The following LRBA variants were observed in gnomAD, a reference collection of about 807,000 sequenced individuals.
LRBA encodes LPS responsive beige-like anchor protein.
Under a neutral mutation model 330.0 loss-of-function variants are expected in LRBA, and 176 were observed. That is an observed-to-expected ratio of 0.53 (90% confidence interval 0.47 to 0.60). The LOEUF (loss-of-function observed/expected upper bound fraction) is 0.60. Ranked by LOEUF, LRBA falls within the 20% of genes least tolerant of loss-of-function variation. The probability of loss-of-function intolerance (pLI) is 0.00; values close to 1 mark genes in which losing one functional copy is unlikely to be tolerated. For missense variants in LRBA, 3,259 were observed against 3,444.8 expected (o/e 0.95, Z 1.35); for synonymous variants, 1,230 against 1,193.0 (o/e 1.03, Z -0.64).
chr4:150,271,824 G>C (rs1746144572), intron 56 of LRBA, among the ~76,000 whole-genome samples: 1 of 152,128 alleles, frequency 6.6e-6, no homozygotes, highest in Admixed American at 6.5e-5. Flanking sequence ...TCCTCTCTGG[G>C]CAGGGCATCT....
intron 47 of LRBA, among the ~76,000 whole-genome samples, chr4:150,407,016 A>T (rs1432757483): frequency 2.0e-5 from 3 of 152,118 alleles, no homozygotes; most frequent in African/African-American, 7.2e-5. Flanking sequence ...TCCTGACCTC[A>T]GGTGATCCGC....
chr4:150,778,509 C>A (rs890211310), intron 34 of LRBA, among the ~76,000 whole-genome samples: 2 of 152,100 alleles, frequency 1.3e-5, no homozygotes, highest in Admixed American at 6.6e-5. Flanking sequence ...AATATATTTG[C>A]AAGTACCTCT....
chr4:150,330,842 G>A (rs1733905683), intron 48 of LRBA, among the ~76,000 whole-genome samples: 1 of 152,124 alleles, frequency 6.6e-6, no homozygotes, highest in African/African-American at 2.4e-5. Context: ...AATTTACTGA[G>A]TGCCTGTTAT....
chr4:150,719,503 C>T (rs1728654989), intron 36 of LRBA, among the ~76,000 whole-genome samples: 3 of 151,826 alleles, frequency 2.0e-5, no homozygotes, highest in Admixed American at 1.3e-4. Flanking sequence ...AAATAAATAA[C>T]AAAAAATAAT....
chr4:150,745,907 T>G (rs1185551805), intron 35 of LRBA, among the ~76,000 whole-genome samples: 1 of 152,196 alleles, frequency 6.6e-6, no homozygotes, highest in Non-Finnish European at 1.5e-5. Flanking sequence ...ACATATACAC[T>G]TAGATAGGTA....
At position 150,335,510 on chromosome 4, in the gene LRBA, CATATACGTATTATAT is replaced by C. The variant is rs1252549245; in HGVS notation, c.7363-9627_7363-9613del. On this transcript the variant is annotated intron_variant, in intron 48 of 56. Transcript: ENST00000651943. ...GTGTGTGTATATATATATACACACA[CATATACGTATTATAT>C]ATGTGTGTATATATATATATACACA... 4.8e-5 allele frequency among the ~76,000 whole-genome samples: 7 copies of C among 145,580 alleles called. No homozygotes were observed. The East Asian group carries it at 1.4e-3, about 29-fold the overall frequency.
intron 13 of LRBA, among the ~76,000 whole-genome samples, chr4:150,902,159 T>C (rs946179236): frequency 3.9e-5 from 6 of 152,092 alleles, no homozygotes; most frequent in African/African-American, 1.4e-4. Flanking sequence ...GACAGATAAA[T>C]TATTATAGGA....
At chr4:150,721,213 T>C (rs1728885252) in intron 36 of LRBA, 3 of 476,406 alleles carry the variant, frequency 6.3e-6, no homozygotes, top group South Asian at 2.1e-5. Flanking sequence ...ACAATAGAAG[T>C]AGAAACCCAA....
At chr4:150,977,300 C>T (rs375440950) in intron 2 of LRBA, among the ~76,000 whole-genome samples, 3 of 152,282 alleles carry the variant, frequency 2.0e-5, no homozygotes. Flanking sequence ...GAATAGGAAA[C>T]CAGGCAGTCA....
chr4:150,547,679 T>C (rs928710786), intron 40 of LRBA, among the ~76,000 whole-genome samples: 13 of 152,068 alleles, frequency 8.5e-5, no homozygotes, highest in African/African-American at 2.7e-4. Flanking sequence ...GTGTATAAAA[T>C]AGCCCCTATT....
At chr4:150,755,480 TATTAA>T (rs1734167614) in intron 35 of LRBA, among the ~76,000 whole-genome samples, 2 of 152,214 alleles carry the variant, frequency 1.3e-5, no homozygotes, top group Admixed American at 1.3e-4. Flanking sequence ...AATGTGTTTT[TATTAA>T]ATTAAACACA....
At chr4:150,815,249 CCA>C (rs1401488910) in intron 31 of LRBA, among the ~76,000 whole-genome samples, 4 of 151,106 alleles carry the variant, frequency 2.6e-5, no homozygotes, top group Non-Finnish European at 5.9e-5. Flanking sequence ...TCTAGAAAAA[CCA>C]CAGTTGATTC....
At chr4:150,461,701 A>G (rs987404294) in intron 44 of LRBA, among the ~76,000 whole-genome samples, 2 of 151,990 alleles carry the variant, frequency 1.3e-5, no homozygotes, top group East Asian at 3.9e-4. Flanking sequence ...TGTGAATTTC[A>G]TAGCCAAGAT....
chr4:150,356,709 G>C (rs55795432), intron 47 of LRBA, among the ~76,000 whole-genome samples: 31,635 of 151,676 alleles, frequency 0.21, 3,980 homozygotes, highest in Non-Finnish European at 0.29. Context: ...CTAATTTAAA[G>C]ATTACATCTT....
intron 2 of LRBA, among the ~76,000 whole-genome samples, chr4:151,004,978 G>A (rs368444610): frequency 1.1e-4 from 16 of 152,092 alleles, no homozygotes; most frequent in Non-Finnish European, 2.2e-4. Context: ...GCGACAGAGC[G>A]AGACTTCGAC....
intron 40 of LRBA, among the ~76,000 whole-genome samples, chr4:150,578,325 CTCA>C (rs1239962805): frequency 1.4e-4 from 21 of 152,188 alleles, no homozygotes; most frequent in Non-Finnish European, 7.3e-5. Flanking sequence ...ACTCTGTCAA[CTCA>C]TCACCTTATT....
rs551089193 is a variant in LRBA at position 150,599,130 on chromosome 4, G to A, written c.5923C>T (p.Arg1975Cys). Reference sequence around the variant, plus strand: ...TCAAGGCGCCAGAACTCAAGAGGACGACTACAATGAAACAGAGAAGCCACA... The same window carrying A: ...TCAAGGCGCCAGAACTCAAGAGGACAACTACAATGAAACAGAGAAGCCACA... ...HGAWGNSAVS[R>C]PLEFWRLDYW... Residue 1975 changes from arginine (R) to cysteine (C), a missense_variant and splice_region_variant, in exon 38 of 57, where the codon CGT (arginine) becomes TGT (cysteine). Transcript: ENST00000651943. 7 of 1,613,778 alleles carry A rather than the reference G, an allele frequency of 4.3e-6. No homozygotes were observed. The highest frequency in any genetic ancestry group is 2.2e-5 in the East Asian group (1 of 44,860).
intron 40 of LRBA, among the ~76,000 whole-genome samples, chr4:150,568,936 C>T (rs565339264): frequency 3.1e-4 from 47 of 152,212 alleles, no homozygotes; most frequent in South Asian, 6.2e-4. Context: ...AAAACTATAA[C>T]TAACTTTTAC....
In LRBA at chr4:150,798,144, T is replaced by C; in HGVS notation, c.5519-2A>G. On this transcript the variant is annotated splice_acceptor_variant, in intron 33 of 56. Coordinates refer to ENST00000651943, the MANE Select transcript of LRBA (RefSeq NM_001364905.1). LOFTEE classifies it high-confidence loss of function. Reference sequence around the variant, plus strand: ...TACTCGACTTCATGCAAACCAGACCTATTTTAAAGAGAATTTTAAAAAAGA... The same window carrying C: ...TACTCGACTTCATGCAAACCAGACCCATTTTAAAGAGAATTTTAAAAAAGA... 6.3e-7 allele frequency: 1 copy of C among 1,589,416 alleles called. No individual in the cohort carries two copies. Among genetic ancestry groups the C allele is most frequent in the Non-Finnish European group, 8.6e-7 (1 of 1,157,776 alleles).
Sources: allele counts gnomAD v4.1 joint callset (sites outside exome capture counted in the v4.1 genomes callset), GRCh38; gene constraint gnomAD v4.1.1; transcripts MANE v1.5; gene names NCBI Gene and HGNC (gene_info 2026-07-23, HGNC 2026-07-21).